The following JAK1 variants were observed in gnomAD, a reference collection of about 807,000 sequenced individuals.
JAK1 encodes the protein tyrosine-protein kinase JAK1.
Under a neutral mutation model 136.6 loss-of-function variants are expected in JAK1, and 16 were observed. The ratio of observed to expected loss-of-function variants is 0.12; its 90% CI spans 0.08 to 0.18. JAK1 has a LOEUF of 0.18. Among genes scored for constraint, JAK1 ranks in the 10% least tolerant of loss-of-function variants. The pLI is 1.00. For missense variants in JAK1, 859 were observed against 1,450.1 expected, an observed-to-expected ratio of 0.59 and a Z score of 6.62; for synonymous variants, 492 against 519.5, an observed-to-expected ratio of 0.95 and a Z score of 0.72.
intron 2 of JAK1, among the ~76,000 whole-genome samples, chr1:64,884,698 T>C (rs1181952862): frequency 6.6e-6 from 1 of 152,190 alleles, no homozygotes; most frequent in Non-Finnish European, 1.5e-5. Flanking sequence ...CCTTATCCCT[T>C]GCATGGCAAA....
At chr1:64,987,993 T>G (rs934573256) in intron 2 of JAK1, among the ~76,000 whole-genome samples, 1 of 152,250 alleles carries the variant, frequency 6.6e-6, no homozygotes, top group Non-Finnish European at 1.5e-5. Context: ...ATAATATTTA[T>G]TGATTGATCA....
At position 64,857,706 on chromosome 1, in the gene JAK1, T is replaced by C. The variant is rs1353735131; in HGVS notation, c.1408A>G (p.Thr470Ala). Residue 470 changes from threonine to alanine, a missense_variant, in exon 10 of 25, where the codon ACC (threonine) becomes GCC (alanine). Around this residue, in one of 4 missense-constraint regions of JAK1, gnomAD observed 409 missense variants for 753.8 expected, o/e 0.54. Coordinates refer to ENST00000342505, the MANE Select transcript of JAK1 (RefSeq NM_002227.4). The stretch of plus-strand genomic sequence containing the variant: ...GTCATGAGGATGTTGTCAAAGTCGG[T>C]GCAGCTCCACCTCAGCACGTACATC... ...EGMYVLRWSCTDFDNILMTVT... is the reference protein window; with the variant it reads ...EGMYVLRWSCADFDNILMTVT... 6.2e-7 allele frequency: 1 copy of C among 1,614,056 alleles called. No individual in the cohort carries two copies.
At chr1:64,856,871 T>C (rs1461572290) in intron 10 of JAK1, among the ~76,000 whole-genome samples, 1 of 152,190 alleles carries the variant, frequency 6.6e-6, no homozygotes, top group Non-Finnish European at 1.5e-5. Flanking sequence ...TTCCTGCGTC[T>C]ACCCTCCGTG....
At chr1:65,067,045 G>C (rs1648083605) in intron 1 of JAK1, among the ~76,000 whole-genome samples, 1 of 152,038 alleles carries the variant, frequency 6.6e-6, no homozygotes, top group Admixed American at 6.5e-5. Context: ...GGGCGAGGTC[G>C]CCCCGCTACC....
chr1:65,060,995 T>C (rs1647768080), intron 1 of JAK1, among the ~76,000 whole-genome samples: 1 of 152,190 alleles, frequency 6.6e-6, no homozygotes, highest in African/African-American at 2.4e-5. Flanking sequence ...CCCAAACTGA[T>C]TTTAAACTAC....
intron 1 of JAK1, among the ~76,000 whole-genome samples, chr1:65,055,481 G>C (rs977194284): frequency 6.6e-6 from 1 of 152,188 alleles, no homozygotes; most frequent in African/African-American, 2.4e-5. Context: ...ATCTGTCAGA[G>C]TGCCGCCTTT....
intron 2 of JAK1, among the ~76,000 whole-genome samples, chr1:65,018,393 T>C (rs1646907334): frequency 6.6e-6 from 1 of 151,562 alleles, no homozygotes. Context: ...AAGCCAATAG[T>C]TGATTCTTTG....
chr1:65,040,981 G>A (rs778265040), intron 2 of JAK1, among the ~76,000 whole-genome samples: 3 of 152,104 alleles, frequency 2.0e-5, no homozygotes, highest in Non-Finnish European at 2.9e-5. Flanking sequence ...GTATATCATC[G>A]CTCCTGTTGC....
At chr1:64,989,429 C>T (rs1646634344) in intron 2 of JAK1, 1 of 152,024 alleles carries the variant, frequency 6.6e-6, no homozygotes, top group Admixed American at 6.6e-5. Context: ...TTATTCCACA[C>T]CTTACCTTGC....
chr1:65,004,180 A>C (rs1646785509), intron 2 of JAK1: 1 of 152,248 alleles, frequency 6.6e-6, no homozygotes, highest in Non-Finnish European at 1.5e-5. Flanking sequence ...ACCTCAGGTG[A>C]TCCACCCGCC....
At chr1:65,044,885 A>C (rs113162718) in intron 1 of JAK1, among the ~76,000 whole-genome samples, 2 of 152,258 alleles carry the variant, frequency 1.3e-5, no homozygotes, top group Non-Finnish European at 2.9e-5. Flanking sequence ...TTTGTAAAAC[A>C]TAACAATGAA....
intron 2 of JAK1, among the ~76,000 whole-genome samples, chr1:65,035,166 G>A (rs1027221314): frequency 6.6e-6 from 1 of 152,090 alleles, no homozygotes; most frequent in Non-Finnish European, 1.5e-5. Context: ...AGATTAAGAG[G>A]TCATTAACCC....
chr1:64,902,339 C>G (rs1277667651), intron 1 of JAK1, among the ~76,000 whole-genome samples: 2 of 152,108 alleles, frequency 1.3e-5, no homozygotes, highest in Admixed American at 6.5e-5. Flanking sequence ...AATCATCAGT[C>G]CTGTCATTTG....
At chr1:64,922,877 C>T (rs181171414) in intron 1 of JAK1, among the ~76,000 whole-genome samples, 17 of 152,274 alleles carry the variant, frequency 1.1e-4, no homozygotes, top group Non-Finnish European at 1.5e-5. Flanking sequence ...TGGTCCTGGA[C>T]ACTTGAGCTT....
rs560578485 is a variant in JAK1 at position 65,007,770 on chromosome 1, G to C, written c.-78+36710C>G. Among the ~76,000 whole-genome samples, 3 of 145,050 alleles carry C rather than the reference G, an allele frequency of 2.1e-5. No homozygotes were observed. The East Asian group carries it at 6.1e-4, about 30-fold the overall frequency. ...GTTTTTTTTTTTTCTTTCTGATACAGCGTTTTGCTCTGTCGTCCAGGCTGA... is the reference window on the plus strand; with the variant it reads ...GTTTTTTTTTTTTCTTTCTGATACACCGTTTTGCTCTGTCGTCCAGGCTGA... On this transcript the variant is annotated intron_variant, in intron 2 of 25. Coordinates refer to the JAK1 transcript ENST00000671954.
chr1:64,930,485 A>C (rs1645670354), intron 1 of JAK1, among the ~76,000 whole-genome samples: 1 of 152,194 alleles, frequency 6.6e-6, no homozygotes, highest in Admixed American at 6.5e-5. Context: ...GCGATCATTA[A>C]AAAGTCAGGA....
intron 2 of JAK1, among the ~76,000 whole-genome samples, chr1:65,007,617 C>A: frequency 1.3e-5 from 2 of 152,198 alleles, no homozygotes; most frequent in East Asian, 3.9e-4. Flanking sequence ...CATGCCACCA[C>A]GCCCAGCTAA....
At position 65,019,285 on chromosome 1, in the gene JAK1, T is replaced by G. The variant is rs373114304; in HGVS notation, c.-78+25195A>C. On this transcript the variant is annotated intron_variant, in intron 2 of 25. Coordinates refer to the JAK1 transcript ENST00000671954. ...ATTACAATCTAATTTGACCTATGGA[T>G]GTATGTTGAAAAAAATCTGAAACAA... Among the ~76,000 whole-genome samples the G allele has an allele frequency of 1.2e-4, 18 of 152,216 alleles. 1 individual carries two copies. The highest frequency in any genetic ancestry group is 3.3e-4 in the Admixed American group (5 of 15,286).
intron 2 of JAK1, among the ~76,000 whole-genome samples, chr1:64,994,334 C>T (rs539127622): frequency 5.8e-4 from 89 of 152,336 alleles, no homozygotes; most frequent in African/African-American, 2.1e-3. Flanking sequence ...CAGCCCCCAG[C>T]GCCTGATGCA....
Sources: allele counts gnomAD v4.1 joint callset (sites outside exome capture counted in the v4.1 genomes callset), GRCh38; gene constraint gnomAD v4.1.1; regional missense constraint gnomAD v4.1.1; transcripts MANE v1.5; gene names NCBI Gene and HGNC (gene_info 2026-07-23, HGNC 2026-07-21).